The following LCMT1 variants were observed in gnomAD, a reference collection of about 807,000 sequenced individuals.
The protein encoded by LCMT1 is leucine carboxyl methyltransferase 1.
Under a neutral mutation model 47.7 loss-of-function variants are expected in LCMT1, and 32 were observed. That is an observed-to-expected ratio of 0.67 (90% CI 0.51 to 0.90). LCMT1 has a LOEUF of 0.90. Ranked by LOEUF, LCMT1 falls within the 40% of genes least tolerant of loss-of-function variation. The pLI is 0.00. For missense variants in LCMT1, 375 were observed against 415.2 expected (o/e 0.90, Z 0.84); for synonymous variants, 152 against 149.7 (o/e 1.02, Z -0.11).
chr16:25,125,499 C>T (rs1159485774), intron 1 of LCMT1, among the ~76,000 whole-genome samples: 2 of 152,104 alleles, frequency 1.3e-5, no homozygotes, highest in African/African-American at 2.4e-5. Flanking sequence ...AGCTTGAGTG[C>T]CCTCTTCCCT....
At chr16:25,167,549 C>T (rs534316140) in intron 7 of LCMT1, among the ~76,000 whole-genome samples, 2 of 151,164 alleles carry the variant, frequency 1.3e-5, no homozygotes, top group South Asian at 2.1e-4. Flanking sequence ...TGGCCTCAAG[C>T]AGTTCTCCAA....
chr16:25,137,247 TG>T (rs1181924038), intron 3 of LCMT1, among the ~76,000 whole-genome samples: 8 of 152,194 alleles, frequency 5.3e-5, no homozygotes, highest in Admixed American at 2.0e-4. Context: ...TTGGCCAGGC[TG>T]GTCTCGAACT....
At chr16:25,172,667 A>G (rs1961811252) in intron 9 of LCMT1, among the ~76,000 whole-genome samples, 1 of 152,240 alleles carries the variant, frequency 6.6e-6, no homozygotes, top group Non-Finnish European at 1.5e-5. Context: ...ACATTTAGGC[A>G]TATCACTGTT....
intron 7 of LCMT1, among the ~76,000 whole-genome samples, chr16:25,165,503 C>CTTTCT (rs779867771): frequency 6.7e-6 from 1 of 148,766 alleles, no homozygotes; most frequent in Non-Finnish European, 1.5e-5. Flanking sequence ...CTGTTTCTTT[C>CTTTCT]TTTCTTTTCT....
chr16:25,156,940 C>CTT lies in LCMT1; in HGVS notation c.467-4143_467-4142dup, dbSNP rs5816285. On this transcript the variant is annotated intron_variant, in intron 5 of 10. Coordinates refer to ENST00000399069, the MANE Select transcript of LCMT1 (RefSeq NM_016309.3). ...CTGCCTGAGGCTGTCTCCATTTTACCTTTTTTTTTTTTTTTTTTTTAATTG... is the reference window on the plus strand; with the variant it reads ...CTGCCTGAGGCTGTCTCCATTTTACCTTTTTTTTTTTTTTTTTTTTTTAATTG... Among the ~76,000 whole-genome samples, 276 of 130,002 alleles carry CTT rather than the reference C, an allele frequency of 2.1e-3. 1 individual carries two copies. Among genetic ancestry groups the CTT allele is most frequent in the South Asian group, 4.5e-3 (18 of 3,978 alleles). 85.3% of individuals were successfully genotyped at this position (130,002 alleles called of 152,430 possible).
chr16:25,156,615 G>T (rs1961263392), intron 5 of LCMT1, among the ~76,000 whole-genome samples: 1 of 152,208 alleles, frequency 6.6e-6, no homozygotes, highest in African/African-American at 2.4e-5. Context: ...TGTGGCTGGG[G>T]CTCGGGTGGC....
intron 3 of LCMT1, among the ~76,000 whole-genome samples, chr16:25,135,063 T>G (rs1016805927): frequency 6.6e-6 from 1 of 152,086 alleles, no homozygotes; most frequent in Non-Finnish European, 1.5e-5. Flanking sequence ...TTGTTTTTTT[T>G]CTCCCGTCTT....
chr16:25,130,316 G>A (rs1960312761), intron 2 of LCMT1, among the ~76,000 whole-genome samples: 1 of 142,560 alleles, frequency 7.0e-6, no homozygotes, highest in East Asian at 2.0e-4. Context: ...CTCCAGTCTG[G>A]GCGACAGAGC....
chr16:25,114,616 C>T (rs1959730548), intron 1 of LCMT1, among the ~76,000 whole-genome samples: 1 of 152,166 alleles, frequency 6.6e-6, no homozygotes. Context: ...ACCAACCCCT[C>T]ACTATGTCCT....
chr16:25,146,770 G>A (rs1960870406), intron 4 of LCMT1: 1 of 152,230 alleles, frequency 6.6e-6, no homozygotes, highest in Non-Finnish European at 1.5e-5. Flanking sequence ...GTCTGCATGG[G>A]TGCATTTCCC....
intron 5 of LCMT1, among the ~76,000 whole-genome samples, chr16:25,155,676 CTTTT>C (rs35255738): frequency 7.1e-6 from 1 of 140,472 alleles, no homozygotes; most frequent in Non-Finnish European, 1.5e-5. Context: ...TTCTTTCTTT[CTTTT>C]TTTTTTTTTT....
intron 1 of LCMT1, among the ~76,000 whole-genome samples, chr16:25,122,797 T>G (rs1960032007): frequency 6.6e-6 from 1 of 152,106 alleles, no homozygotes; most frequent in South Asian, 2.1e-4. Context: ...ACAGTACATT[T>G]CATAATTCAG....
chr16:25,111,815 G>GTCCCCCGCCGCCCGTCGACCCCGCT lies in LCMT1; in HGVS notation c.-65_-41dup. 1.9e-6 allele frequency: 2 copies of GTCCCCCGCCGCCCGTCGACCCCGCT among 1,057,056 alleles called. No homozygotes were observed. Among genetic ancestry groups the GTCCCCCGCCGCCCGTCGACCCCGCT allele is most frequent in the South Asian group, 2.7e-5 (2 of 72,950 alleles). 65.5% of individuals were successfully genotyped at this position (1,057,056 alleles called of 1,614,324 possible). A position where few individuals can be genotyped will look rare whatever the true frequency, so the allele number is the denominator to read the frequency against. On this transcript the variant is annotated 5_prime_UTR_variant, in exon 1 of 11. Coordinates refer to ENST00000399069, the MANE Select transcript of LCMT1 (RefSeq NM_016309.3). ...TTGCTTTCTCCCTGTGGCTCGCGCC[G>GTCCCCCGCCGCCCGTCGACCCCGCT]TCCCCCGCCGCCCGTCGACCCCGCT...
chr16:25,164,576 C>T, intron 6 of LCMT1, 22 bp from the exon 7 acceptor site: 2 of 1,613,764 alleles, frequency 1.2e-6, no homozygotes, highest in South Asian at 1.1e-5. Flanking sequence ...AATTTATGTG[C>T]CTTTTTTTCC....
chr16:25,113,475 A>G (rs973596397), intron 1 of LCMT1, among the ~76,000 whole-genome samples: 1 of 152,220 alleles, frequency 6.6e-6, no homozygotes, highest in Non-Finnish European at 1.5e-5. Context: ...TAAAATGGGG[A>G]GTATAATAAC....
At chr16:25,167,130 C>T (rs1450321210) in intron 7 of LCMT1, among the ~76,000 whole-genome samples, 1 of 152,104 alleles carries the variant, frequency 6.6e-6, no homozygotes, top group Admixed American at 6.6e-5. Context: ...TGGGAATGTG[C>T]CAGTTTTCAA....
chr16:25,135,880 C>T (rs1225766247), intron 3 of LCMT1, among the ~76,000 whole-genome samples: 1 of 151,968 alleles, frequency 6.6e-6, no homozygotes, highest in Non-Finnish European at 1.5e-5. Flanking sequence ...TGCTTGAGCT[C>T]AGGAGTTTGA....
At chr16:25,151,920 G>A (rs1324903767) in intron 5 of LCMT1, among the ~76,000 whole-genome samples, 1 of 143,422 alleles carries the variant, frequency 7.0e-6, no homozygotes, top group Non-Finnish European at 1.5e-5. Context: ...CAGCCAGGTG[G>A]GTGAACATAC....
rs56153167 is a variant in LCMT1, at chr16:25,151,806, A to G, written c.466+191A>G. Among the ~76,000 whole-genome samples, 1,326 of 151,998 alleles carry G rather than the reference A, an allele frequency of 8.7e-3. 20 individuals carry two copies. The highest frequency in any genetic ancestry group is 0.03 in the African/African-American group (1,264 of 41,450). On this transcript the variant is annotated intron_variant, in intron 5 of 10. Coordinates refer to ENST00000399069, the MANE Select transcript of LCMT1 (RefSeq NM_016309.3). ...GAGCTTGCTTTCTCAGACAGGGTTG[A>G]GCCTGCAGGGTGGCCATTCTAACAG...
Sources: allele counts gnomAD v4.1 joint callset (sites outside exome capture counted in the v4.1 genomes callset), GRCh38; gene constraint gnomAD v4.1.1; transcripts MANE v1.5; gene names NCBI Gene and HGNC (gene_info 2026-07-23, HGNC 2026-07-21).